The following NREP variants were observed in gnomAD, a reference collection of about 807,000 sequenced individuals.
The protein encoded by NREP is neuronal regeneration-related protein.
NREP carries 5 observed loss-of-function variants against 8.6 expected under a neutral mutation model. The observed-to-expected ratio is 0.58, with a 90% CI of 0.30 to 1.22. The LOEUF is 1.22. NREP is among the 50% of genes most tolerant of loss of function. The probability of loss-of-function intolerance (pLI) is 0.07; values close to 1 mark genes in which losing one functional copy is unlikely to be tolerated. For synonymous variants in NREP, 27 were observed against 28.0 expected, an observed-to-expected ratio of 0.96 and a Z score of 0.11; for missense variants, 86 against 82.5, an observed-to-expected ratio of 1.04 and a Z score of -0.17.
At chr5:111,959,323 G>C (rs978125773) in intron 2 of NREP, among the ~76,000 whole-genome samples, 17 of 151,968 alleles carry the variant, frequency 1.1e-4, no homozygotes, top group Non-Finnish European at 2.5e-4. Flanking sequence ...AGGGGTAAGT[G>C]AGTAGTGATT....
intron 2 of NREP, among the ~76,000 whole-genome samples, chr5:111,799,388 C>T (rs1293931216): frequency 6.6e-6 from 1 of 152,130 alleles, no homozygotes; most frequent in Non-Finnish European, 1.5e-5. Flanking sequence ...ATTGATTCTA[C>T]CCACCCATGA....
At chr5:111,758,293 ATACTCCCCTGG>A, upstream of NREP, 2 of 979,830 alleles carry the variant, frequency 2.0e-6, no homozygotes, top group South Asian at 9.5e-5. Context: ...GGCCCAAGAC[ATACTCCCCTGG>A]TGCTTCCTTC....
At chr5:111,879,840 A>T (rs1754005362) in intron 2 of NREP, among the ~76,000 whole-genome samples, 1 of 152,040 alleles carries the variant, frequency 6.6e-6, no homozygotes, top group Non-Finnish European at 1.5e-5. Flanking sequence ...AGAGAGAGAG[A>T]AAAAAAGACA....
At position 111,730,696 on chromosome 5, in the gene NREP, C is replaced by T. The variant is rs976361730; in HGVS notation, c.*225G>A. ...AAGGCCCACCTGTAAGGGTTGTAAA[C>T]GTGGATTCACAGTGTGAAATTCTGA... is the stretch of plus-strand genomic sequence containing the variant. On this transcript the variant is annotated 3_prime_UTR_variant, in exon 4 of 4. Transcript: ENST00000257435. The T allele has an allele frequency of 8.3e-6, 4 of 480,758 alleles. No individual in the cohort carries two copies. Among genetic ancestry groups the T allele is most frequent in the African/African-American group, 2.0e-5 (1 of 51,176 alleles). The allele number at this position is 480,758 out of a possible 1,614,324, so 29.8% of individuals were successfully genotyped here.
chr5:111,754,728 G>C (rs1331624384), intron 2 of NREP, among the ~76,000 whole-genome samples: 1 of 152,128 alleles, frequency 6.6e-6, no homozygotes, highest in Non-Finnish European at 1.5e-5. Context: ...GAAATGACAA[G>C]TGACGCATAC....
At chr5:111,868,467 C>T (rs924605470) in intron 2 of NREP, among the ~76,000 whole-genome samples, 1 of 152,066 alleles carries the variant, frequency 6.6e-6, no homozygotes, top group Non-Finnish European at 1.5e-5. Flanking sequence ...GCAAATGGAC[C>T]AAACTCCCAA....
At chr5:111,820,517 G>C (rs1048964904) in intron 2 of NREP, among the ~76,000 whole-genome samples, 1 of 151,846 alleles carries the variant, frequency 6.6e-6, no homozygotes, top group Non-Finnish European at 1.5e-5. Flanking sequence ...TCAAGATAAT[G>C]ATAACCTCTG....
chr5:111,776,990 TGAGGAG>T (rs58158043), intron 2 of NREP, among the ~76,000 whole-genome samples: 21 of 132,626 alleles, frequency 1.6e-4, no homozygotes, highest in Non-Finnish European at 2.8e-4. Flanking sequence ...AGAAAAAGGA[TGAGGAG>T]GAGGAGGAGG....
chr5:111,836,901 C>T (rs1752909239), intron 2 of NREP, among the ~76,000 whole-genome samples: 2 of 151,906 alleles, frequency 1.3e-5, no homozygotes, highest in Non-Finnish European at 2.9e-5. Context: ...TAGGACAACA[C>T]AAAACACTCT....
intron 2 of NREP, among the ~76,000 whole-genome samples, chr5:111,839,033 G>C (rs1461666876): frequency 6.6e-6 from 1 of 151,862 alleles, no homozygotes; most frequent in Non-Finnish European, 1.5e-5. Flanking sequence ...TTTCAGAATG[G>C]GATGTCATGA....
intron 2 of NREP, among the ~76,000 whole-genome samples, chr5:111,889,746 GT>G (rs1324802235): frequency 6.6e-6 from 1 of 152,170 alleles, no homozygotes; most frequent in Non-Finnish European, 1.5e-5. Flanking sequence ...CAACACAGCT[GT>G]TTATTTCACT....
At chr5:111,845,690 A>G (rs1049479062) in intron 2 of NREP, among the ~76,000 whole-genome samples, 1 of 152,166 alleles carries the variant, frequency 6.6e-6, no homozygotes, top group African/African-American at 2.4e-5. Context: ...CATAAGTTTC[A>G]AAAAAGCACA....
chr5:111,810,546 T>A lies in NREP; in HGVS notation c.136-75039A>T, dbSNP rs534189358. 4.7e-4 allele frequency among the ~76,000 whole-genome samples: 71 copies of A among 152,334 alleles called. 1 individual carries two copies. Among genetic ancestry groups the A allele is most frequent in the African/African-American group, 1.6e-3 (68 of 41,566 alleles). ...GAGTGAATCTCTGTTACTGTCACCCTGAAAAGCTTCACATAGATTCATTTT... is the reference window on the plus strand; with the variant it reads ...GAGTGAATCTCTGTTACTGTCACCCAGAAAAGCTTCACATAGATTCATTTT... On this transcript the variant is annotated intron_variant, in intron 2 of 3. Coordinates refer to the NREP transcript ENST00000395634.
At chr5:111,915,090 C>T (rs943906614) in intron 2 of NREP, among the ~76,000 whole-genome samples, 1 of 152,122 alleles carries the variant, frequency 6.6e-6, no homozygotes, top group Non-Finnish European at 1.5e-5. Context: ...TGTGCTATTG[C>T]TTCCTGTGGC....
intron 2 of NREP, among the ~76,000 whole-genome samples, chr5:111,840,232 A>T (rs537219353): frequency 1.3e-5 from 2 of 152,202 alleles, no homozygotes; most frequent in Admixed American, 6.6e-5. Context: ...TGACTCAAAA[A>T]AAAAGAGATC....
upstream of NREP, among the ~76,000 whole-genome samples, chr5:111,759,937 C>T (rs1400719182): frequency 3.3e-5 from 5 of 152,196 alleles, no homozygotes; most frequent in Non-Finnish European, 5.9e-5. Context: ...TGACTATAGT[C>T]TGACTTTCTA....
chr5:111,800,472 C>T (rs919003022), intron 2 of NREP, among the ~76,000 whole-genome samples: 3 of 152,192 alleles, frequency 2.0e-5, no homozygotes, highest in African/African-American at 7.2e-5. Context: ...TGAAATTCTT[C>T]ATCATTTTGT....
intron 2 of NREP, among the ~76,000 whole-genome samples, chr5:111,903,002 C>G (rs139644073): frequency 3.3e-5 from 5 of 151,850 alleles, no homozygotes; most frequent in East Asian, 1.9e-4. Flanking sequence ...ACAAAAGTGT[C>G]CTGACTTTTA....
intron 2 of NREP, among the ~76,000 whole-genome samples, chr5:111,808,575 C>T (rs1303531976): frequency 6.6e-6 from 1 of 152,074 alleles, no homozygotes; most frequent in Non-Finnish European, 1.5e-5. Flanking sequence ...TTTTGTTTAG[C>T]AAACTATTCT....
Sources: gnomAD v4.1 joint callset for allele counts (sites outside exome capture counted in the v4.1 genomes callset) on GRCh38, gnomAD v4.1.1 for gene constraint, MANE v1.5 for transcripts, NCBI Gene and HGNC (gene_info 2026-07-23, HGNC 2026-07-21) for gene names.